Variants in ROBO2 observed in about 807,000 individuals in gnomAD.
ROBO2 encodes the protein roundabout homolog 2.
A neutral mutation model predicts 160.8 loss-of-function variants in ROBO2; 53 were observed. That is an observed-to-expected ratio of 0.33 (90% CI 0.26 to 0.41). The LOEUF is 0.41. ROBO2 is among the 10% of genes least tolerant of loss of function. The pLI is 1.00. For missense variants in ROBO2, 1,577 were observed against 1,722.4 expected (o/e 0.92, Z 1.49); for synonymous variants, 664 against 611.7 (o/e 1.09, Z -1.26).
At chr3:75,921,743 A>C (rs554116040) in intron 1 of ROBO2, among the ~76,000 whole-genome samples, 1 of 152,304 alleles carries the variant, frequency 6.6e-6, no homozygotes, top group East Asian at 1.9e-4. Context: ...CCACTACAGC[A>C]GATAATTAGG....
chr3:77,203,409 T>G (rs2083104801), intron 2 of ROBO2, among the ~76,000 whole-genome samples: 1 of 152,222 alleles, frequency 6.6e-6, no homozygotes, highest in South Asian at 2.1e-4. Flanking sequence ...ATCTGTTTTT[T>G]TCTTAGACTG....
intron 7 of ROBO2, among the ~76,000 whole-genome samples, chr3:77,548,495 C>T (rs1253577366): frequency 6.6e-6 from 1 of 151,996 alleles, no homozygotes; most frequent in African/African-American, 2.4e-5. Flanking sequence ...GTGTAAATCA[C>T]ATTCCCTAAA....
chr3:76,034,066 G>A (rs753297545), intron 2 of ROBO2, among the ~76,000 whole-genome samples: 1 of 152,156 alleles, frequency 6.6e-6, no homozygotes, highest in Non-Finnish European at 1.5e-5. Flanking sequence ...TTGACAGGAG[G>A]GTGGCAAACA....
At chr3:76,641,958 T>C (rs1329398820) in intron 2 of ROBO2, among the ~76,000 whole-genome samples, 1 of 152,050 alleles carries the variant, frequency 6.6e-6, no homozygotes, top group East Asian at 1.9e-4. Flanking sequence ...GGGCTCAAGT[T>C]ATCCTCCTGC....
chr3:77,231,009 G>C (rs995967592), intron 2 of ROBO2, among the ~76,000 whole-genome samples: 1 of 152,100 alleles, frequency 6.6e-6, no homozygotes, highest in Admixed American at 6.6e-5. Context: ...CATGTGCTTG[G>C]AAGTTAGTAA....
chr3:77,314,245 A>G (rs553141779), intron 2 of ROBO2, among the ~76,000 whole-genome samples: 1 of 152,308 alleles, frequency 6.6e-6, no homozygotes, highest in South Asian at 2.1e-4. Context: ...AGCACCAATA[A>G]TGATTATCCA....
chr3:77,549,267 G>A (rs2092823211), intron 7 of ROBO2, among the ~76,000 whole-genome samples: 1 of 151,996 alleles, frequency 6.6e-6, no homozygotes, highest in Admixed American at 6.6e-5. Context: ...AAGCCCATCT[G>A]ATATATTAGT....
intron 2 of ROBO2, among the ~76,000 whole-genome samples, chr3:75,975,625 A>G (rs1450907692): frequency 6.6e-6 from 1 of 151,526 alleles, no homozygotes; most frequent in Non-Finnish European, 1.5e-5. Context: ...GATATCAACA[A>G]TTATGACATT....
At chr3:76,141,060 C>CATATATATATATAT (rs55691222) in intron 2 of ROBO2, among the ~76,000 whole-genome samples, 1,493 of 53,538 alleles carry the variant, frequency 0.028, 132 homozygotes, top group Middle Eastern at 0.051. Flanking sequence ...TTTTTACATA[C>CATATATATATATAT]ATATATATAT....
chr3:77,620,409 T>C (rs2094877353), intron 22 of ROBO2, among the ~76,000 whole-genome samples: 1 of 152,230 alleles, frequency 6.6e-6, no homozygotes, highest in African/African-American at 2.4e-5. Context: ...AGGAGTACAT[T>C]TTTTATTCCA....
intron 1 of ROBO2, among the ~76,000 whole-genome samples, chr3:77,090,158 A>G (rs78075641): frequency 0.016 from 2,460 of 152,122 alleles, 24 homozygotes; most frequent in Middle Eastern, 0.041. Flanking sequence ...ACTATTGACT[A>G]TTGTCAATGG....
intron 2 of ROBO2, among the ~76,000 whole-genome samples, chr3:76,758,898 G>A (rs1328743230): frequency 6.6e-6 from 1 of 151,778 alleles, no homozygotes; most frequent in Non-Finnish European, 1.5e-5. Context: ...AATGATAGAT[G>A]TATATAACAC....
intron 2 of ROBO2, among the ~76,000 whole-genome samples, chr3:76,842,780 G>C (rs2068410950): frequency 6.6e-6 from 1 of 151,994 alleles, no homozygotes; most frequent in African/African-American, 2.4e-5. Context: ...AGAAATTTTA[G>C]GTTACTAACC....
rs574821942 is a variant in ROBO2, at chr3:77,064,552, G to C, written c.61+23706G>C. Among the ~76,000 whole-genome samples, 27 of 151,966 alleles carry C rather than the reference G, an allele frequency of 1.8e-4. No individual in the cohort carries two copies. In the South Asian group the frequency reaches 5.6e-3, roughly 32 times the overall value. ...ACTTTTGTATTTTTAGCAGAGACAG[G>C]TTTTTGCCATATTGGCCCGGCTGGT... On this transcript the variant is annotated intron_variant, in intron 1 of 25. Coordinates refer to ENST00000461745, the Ensembl canonical transcript of ROBO2.
intron 2 of ROBO2, among the ~76,000 whole-genome samples, chr3:77,013,411 G>A (rs947792525): frequency 6.6e-6 from 1 of 152,038 alleles, no homozygotes; most frequent in Non-Finnish European, 1.5e-5. Flanking sequence ...AGGCAAAAAA[G>A]AAGGCAAACA....
At chr3:75,988,458 T>G (rs1249629442) in intron 2 of ROBO2, among the ~76,000 whole-genome samples, 1 of 152,134 alleles carries the variant, frequency 6.6e-6, no homozygotes, top group Non-Finnish European at 1.5e-5. Flanking sequence ...CATTGATTTT[T>G]TTTGAAGAAT....
intron 2 of ROBO2, among the ~76,000 whole-genome samples, chr3:77,405,142 T>C (rs915748531): frequency 5.9e-5 from 9 of 152,196 alleles, no homozygotes; most frequent in Non-Finnish European, 1.5e-5. Flanking sequence ...ATTTCATGTA[T>C]AGTATTGCTA....
rs540191776 is a variant in ROBO2 at position 76,325,220 on chromosome 3, T to C, written c.109+387618T>C. 3.3e-5 allele frequency among the ~76,000 whole-genome samples: 5 copies of C among 152,388 alleles called. No homozygotes were observed. In the South Asian group the frequency reaches 1.0e-3, roughly 32 times the overall value. ...ATGTAAACGCTCTGCTGTATTTCCA[T>C]ATTTTATAATATCACAATGGCTCAG... is the stretch of plus-strand genomic sequence containing the variant. On this transcript the variant is annotated intron_variant, in intron 2 of 26. Transcript: ENST00000487694.
At chr3:76,109,429 A>G (rs895413867) in intron 2 of ROBO2, among the ~76,000 whole-genome samples, 1 of 152,012 alleles carries the variant, frequency 6.6e-6, no homozygotes, top group Non-Finnish European at 1.5e-5. Context: ...TAATAATACC[A>G]TATGTGGCTT....
Sources: allele counts gnomAD v4.1 joint callset (sites outside exome capture counted in the v4.1 genomes callset), GRCh38; gene constraint gnomAD v4.1.1; transcripts MANE v1.5; gene names NCBI Gene and HGNC (gene_info 2026-07-23, HGNC 2026-07-21).